Variants in PIP5K1B observed in about 807,000 individuals in gnomAD.
PIP5K1B encodes phosphatidylinositol-4-phosphate 5-kinase type 1 beta.
PIP5K1B carries 42 observed loss-of-function variants against 67.0 expected under a neutral mutation model. The observed-to-expected ratio is 0.63, with a 90% CI of 0.49 to 0.81. The LOEUF (loss-of-function observed/expected upper bound fraction) is 0.81. Ranked by LOEUF, PIP5K1B falls within the 30% of genes least tolerant of loss-of-function variation. The pLI is 0.00. For synonymous variants in PIP5K1B, 214 were observed against 231.4 expected (o/e 0.92, Z 0.68); for missense variants, 459 against 646.3 (o/e 0.71, Z 3.14).
In PIP5K1B at chr9:68,731,430, A is replaced by G. The variant is rs148880470; in HGVS notation, c.-242-11071A>G. On this transcript the variant is annotated intron_variant, in intron 1 of 15. Transcript: ENST00000265382. The stretch of plus-strand genomic sequence containing the variant: ...CTTCCATAGATTATTGAGAGGGTTA[A>G]CCGAGATAAAGGAATATGGGTGGCA... Among the ~76,000 whole-genome samples, 272 of 152,334 alleles carry G rather than the reference A, an allele frequency of 1.8e-3. 3 individuals carry two copies. Among genetic ancestry groups the G allele is most frequent in the Middle Eastern group, 6.8e-3 (2 of 294 alleles).
intron 2 of PIP5K1B, among the ~76,000 whole-genome samples, chr9:68,812,895 C>T (rs1339801739): frequency 6.6e-6 from 1 of 152,152 alleles, no homozygotes; most frequent in Non-Finnish European, 1.5e-5. Context: ...TGAAAAAAGG[C>T]ACATCTATCA....
intron 14 of PIP5K1B, among the ~76,000 whole-genome samples, chr9:68,956,998 GATAGA>G (rs775549684): frequency 2.0e-5 from 3 of 152,194 alleles, no homozygotes; most frequent in Non-Finnish European, 4.4e-5. Context: ...AATGGCTTGA[GATAGA>G]ATAAAGGATA....
intron 4 of PIP5K1B, among the ~76,000 whole-genome samples, chr9:68,832,889 G>A (rs999934239): frequency 1.3e-5 from 2 of 152,366 alleles, no homozygotes; most frequent in South Asian, 2.1e-4. Flanking sequence ...GGGCTGAAAT[G>A]TAGACTGTCT....
Position 68,863,887 on chromosome 9 carries a change from A to G in PIP5K1B, c.120A>G (p.Thr40=), listed in dbSNP as rs1350606879. Residue 40 remains threonine, a synonymous_variant, in exon 5 of 16, where the codon ACA becomes ACG. Coordinates refer to ENST00000265382, the MANE Select transcript of PIP5K1B (RefSeq NM_003558.4). ...CTATTCAGCTGGGAATAGGATACAC[A>G]GTGGGTAATCTCACTTCCAAGCCAG... ...KGAIQLGIGY[T]VGNLTSKPER... 1.2e-6 allele frequency: 2 copies of G among 1,613,662 alleles called. No individual in the cohort carries two copies. Among genetic ancestry groups the G allele is most frequent in the Non-Finnish European group, 1.7e-6 (2 of 1,179,542 alleles).
chr9:68,707,416 A>G (rs1827175070), intron 1 of PIP5K1B, among the ~76,000 whole-genome samples: 2 of 152,202 alleles, frequency 1.3e-5, no homozygotes, highest in Non-Finnish European at 1.5e-5. Context: ...CAGAAGGAAC[A>G]TGAGGCTCAC....
intron 14 of PIP5K1B, chr9:68,963,395 C>T (rs200444864): frequency 3.3e-6 from 1 of 299,010 alleles, no homozygotes; most frequent in East Asian, 9.2e-5. Flanking sequence ...CCCAGCTACT[C>T]GAGAGGCTGA....
intron 4 of PIP5K1B, among the ~76,000 whole-genome samples, chr9:68,851,009 C>G (rs991821190): frequency 6.6e-6 from 1 of 152,134 alleles, no homozygotes; most frequent in Non-Finnish European, 1.5e-5. Flanking sequence ...TGGCCTGTCT[C>G]TTTTTAGGGC....
At chr9:68,788,924 A>G in intron 2 of PIP5K1B, 1 of 290,322 alleles carries the variant, frequency 3.4e-6, no homozygotes, top group Non-Finnish European at 6.7e-6. Context: ...GGATGAAAGA[A>G]AGGATATGCT....
At chr9:68,886,207 A>G (rs1421600755) in intron 6 of PIP5K1B, among the ~76,000 whole-genome samples, 1 of 151,800 alleles carries the variant, frequency 6.6e-6, no homozygotes, top group Non-Finnish European at 1.5e-5. Flanking sequence ...TTTAAAGATG[A>G]TGTGGTTCTT....
At chr9:68,856,811 G>A (rs1050177556) in intron 4 of PIP5K1B, among the ~76,000 whole-genome samples, 2 of 152,218 alleles carry the variant, frequency 1.3e-5, no homozygotes, top group Non-Finnish European at 2.9e-5. Context: ...AAATGCCAGG[G>A]TCAATCCTGA....
rs115022802 is a variant in PIP5K1B, at chr9:68,813,549, C to A, written c.-85-4912C>A. 7.9e-3 allele frequency among the ~76,000 whole-genome samples: 1,208 copies of A among 152,260 alleles called. 23 individuals are homozygous for A. Among genetic ancestry groups the A allele is most frequent in the African/African-American group, 0.028 (1,154 of 41,546 alleles). ...GGAATTAACACCCGTGTATTATGTT[C>A]CCTAGAAAGATATGTTGAAGTCCTA... On this transcript the variant is annotated intron_variant, in intron 2 of 15. Coordinates refer to ENST00000265382, the MANE Select transcript of PIP5K1B (RefSeq NM_003558.4).
rs551250481 is a variant in PIP5K1B, at chr9:68,868,845, C to T, written c.200+4878C>T. Among the ~76,000 whole-genome samples, 13 of 152,270 alleles carry T rather than the reference C, an allele frequency of 8.5e-5. No homozygotes were observed. In the East Asian group the frequency reaches 2.1e-3, roughly 25 times the overall value. On this transcript the variant is annotated intron_variant, in intron 5 of 15. Transcript: ENST00000265382. ...TCTTCACTTGTAAAACAGGAGTTTACCCTGATGTAAAGATCATTACAGAAA... is the reference window on the plus strand; with the variant it reads ...TCTTCACTTGTAAAACAGGAGTTTATCCTGATGTAAAGATCATTACAGAAA...
At chr9:68,997,626 T>G (rs1830651868) in intron 15 of PIP5K1B, among the ~76,000 whole-genome samples, 1 of 152,208 alleles carries the variant, frequency 6.6e-6, no homozygotes, top group Non-Finnish European at 1.5e-5. Context: ...CCCTTGTTTG[T>G]TTCCAGAAAT....
At chr9:68,728,054 G>C (rs1828240835) in intron 1 of PIP5K1B, among the ~76,000 whole-genome samples, 1 of 152,212 alleles carries the variant, frequency 6.6e-6, no homozygotes, top group African/African-American at 2.4e-5. Context: ...AATAAGGCAA[G>C]ATAAGGAGTA....
intron 14 of PIP5K1B, among the ~76,000 whole-genome samples, chr9:68,971,365 G>A (rs1363107418): frequency 6.6e-6 from 1 of 152,154 alleles, no homozygotes; most frequent in Non-Finnish European, 1.5e-5. Flanking sequence ...TGGTGTATAT[G>A]TACCACATTT....
intron 2 of PIP5K1B, among the ~76,000 whole-genome samples, chr9:68,769,022 G>A (rs1171142520): frequency 1.3e-5 from 2 of 152,208 alleles, no homozygotes; most frequent in Non-Finnish European, 2.9e-5. Context: ...GGAAGCATTT[G>A]AACAAATGAT....
At chr9:68,812,917 T>G (rs1166319044) in intron 2 of PIP5K1B, among the ~76,000 whole-genome samples, 1 of 152,246 alleles carries the variant, frequency 6.6e-6, no homozygotes, top group Non-Finnish European at 1.5e-5. Context: ...TATGGAATTT[T>G]GAACAATGTT....
At chr9:68,823,824 C>G (rs1369150458) in intron 4 of PIP5K1B, among the ~76,000 whole-genome samples, 1 of 152,188 alleles carries the variant, frequency 6.6e-6, no homozygotes, top group Non-Finnish European at 1.5e-5. Context: ...GCTATGGGCT[C>G]TGACCACATA....
chr9:68,894,744 C>A, intron 8 of PIP5K1B, 106 bp downstream of exon 8: 1 of 1,035,146 alleles, frequency 9.7e-7, no homozygotes, highest in Non-Finnish European at 1.4e-6. Context: ...AAGTGGCAGA[C>A]ATGTGGAATC....
Sources: allele counts gnomAD v4.1 joint callset (sites outside exome capture counted in the v4.1 genomes callset), GRCh38; gene constraint gnomAD v4.1.1; transcripts MANE v1.5; gene names NCBI Gene and HGNC (gene_info 2026-07-23, HGNC 2026-07-21).